FBRSL1: variants seen among roughly 807,000 people sequenced by gnomAD.
FBRSL1 encodes the protein fibrosin-1-like protein.
In FBRSL1, 51 loss-of-function variants were observed where a neutral mutation model predicts 89.6. The observed-to-expected ratio is 0.57, with a 90% CI of 0.45 to 0.72. The LOEUF (loss-of-function observed/expected upper bound fraction) is 0.72. Ranked by LOEUF, FBRSL1 falls within the 30% of genes least tolerant of loss-of-function variation. FBRSL1 has a pLI of 0.00. For synonymous variants in FBRSL1, 779 were observed against 681.1 expected (o/e 1.14, Z -2.24); for missense variants, 1,618 against 1,451.8 (o/e 1.11, Z -1.86).
intron 9 of FBRSL1, chr12:132,571,881 G>A (rs1302869598): frequency 1.2e-5 from 4 of 329,722 alleles, no homozygotes; most frequent in Non-Finnish European, 2.2e-5. Context: ...CCGCCCCGGA[G>A]GCCCGGTCTG....
intron 4 of FBRSL1, among the ~76,000 whole-genome samples, chr12:132,536,985 G>A (rs1159794668): frequency 1.3e-5 from 2 of 152,314 alleles, no homozygotes; most frequent in Middle Eastern, 6.8e-3. Context: ...CAGGGGCTCT[G>A]CAGGCACTCG....
rs765641446 is a variant in FBRSL1, at chr12:132,582,200, C to G, written c.2135C>G (p.Ala712Gly). 1.3e-6 allele frequency: 2 copies of G among 1,550,168 alleles called. No homozygotes were observed. The highest frequency in any genetic ancestry group is 2.4e-5 in the East Asian group (1 of 40,906). ...APPPWPKSVD[A>G]ERVSALTNHD... ...CCCCCGTGGCCCAAGTCCGTGGACG[C>G]GGAGCGGGTGTCAGCCCTGACCAAC... The change falls in exon 18 of 19, where the codon GCG becomes GGG. Residue 712 changes from alanine to glycine, a missense_variant. Physicochemically the swap from Ala to Gly is moderately conservative, Grantham distance 60 (BLOSUM62 0). Transcript: ENST00000680143.
intron 5 of FBRSL1, among the ~76,000 whole-genome samples, chr12:132,555,360 G>A (rs906282277): frequency 4.1e-5 from 6 of 146,732 alleles, no homozygotes; most frequent in African/African-American, 1.5e-4. Flanking sequence ...TGGCCTCCAC[G>A]GTAGCCGCCC....
At chr12:132,536,267 ACAT>A (rs1447271965) in intron 4 of FBRSL1, among the ~76,000 whole-genome samples, 4 of 150,264 alleles carry the variant, frequency 2.7e-5, no homozygotes, top group Non-Finnish European at 4.4e-5. Context: ...TGCCATGTGT[ACAT>A]GATGGTGTGT....
chr12:132,534,844 G>C (rs2036579947), intron 4 of FBRSL1, among the ~76,000 whole-genome samples: 1 of 152,230 alleles, frequency 6.6e-6, no homozygotes, highest in South Asian at 2.1e-4. Context: ...CCCCAGCCCA[G>C]CCCAGGTTCT....
At position 132,576,870 on chromosome 12, in the gene FBRSL1, G is replaced by A. The variant is rs116764290; in HGVS notation, c.1773G>A (p.Pro591=). 2.4e-3 allele frequency: 3,799 copies of A among 1,550,894 alleles called. 79 individuals are homozygous for A. In the African/African-American group the frequency reaches 0.043, roughly 18 times the overall value. Residue 591 remains proline, a synonymous_variant, in exon 15 of 19, where the codon CCG becomes CCA. Transcript: ENST00000680143. The part of the protein sequence containing the change: ...KLDLFGRPPA[P]GVFAGFHYPQ... ...ACCTGTTCGGCAGACCCCCTGCCCC[G>A]GGCGTGTTTGCAGGCTTCCACTACC...
intron 2 of FBRSL1, among the ~76,000 whole-genome samples, chr12:132,516,327 G>A (rs894463934): frequency 9.2e-5 from 14 of 152,066 alleles, no homozygotes; most frequent in African/African-American, 2.4e-4. Flanking sequence ...TGGGATCACA[G>A]GCAAGTGCCA....
chr12:132,524,207 G>C (rs1460082366), intron 2 of FBRSL1, among the ~76,000 whole-genome samples: 8 of 152,210 alleles, frequency 5.3e-5, no homozygotes, highest in Non-Finnish European at 1.2e-4. Flanking sequence ...GCCAGGGCCT[G>C]TGAGGGCTAC....
intron 9 of FBRSL1, chr12:132,571,928 C>T (rs966882755): frequency 8.0e-6 from 3 of 375,372 alleles, no homozygotes; most frequent in Admixed American, 4.4e-5. Flanking sequence ...CCCCTCCACT[C>T]TCTCGAGTTT....
chr12:132,530,465 C>A (rs1475552773), intron 4 of FBRSL1, among the ~76,000 whole-genome samples: 1 of 151,840 alleles, frequency 6.6e-6, no homozygotes, highest in Non-Finnish European at 1.5e-5. Flanking sequence ...GTGGGCTCTG[C>A]CCCCTGTTGC....
chr12:132,497,306 C>T (rs2032201407), intron 1 of FBRSL1, among the ~76,000 whole-genome samples: 1 of 152,130 alleles, frequency 6.6e-6, no homozygotes, highest in African/African-American at 2.4e-5. Flanking sequence ...GACCACCTCG[C>T]TAGGAGTGGA....
chr12:132,534,943 G>C (rs555974802), intron 4 of FBRSL1, among the ~76,000 whole-genome samples: 11 of 152,344 alleles, frequency 7.2e-5, no homozygotes, highest in Middle Eastern at 3.4e-3. Context: ...CCCAGGTATG[G>C]GGGCCACAGC....
intron 2 of FBRSL1, among the ~76,000 whole-genome samples, chr12:132,518,249 C>T (rs79307280): frequency 0.016 from 2,364 of 149,988 alleles, 22 homozygotes; most frequent in Non-Finnish European, 0.026. Flanking sequence ...CCATCATCCA[C>T]CTGTCTGTCC....
chr12:132,535,218 AC>A (rs2036607538), intron 4 of FBRSL1, among the ~76,000 whole-genome samples: 1 of 152,262 alleles, frequency 6.6e-6, no homozygotes, highest in Non-Finnish European at 1.5e-5. Context: ...GCCTGACAAC[AC>A]GAGAATATAT....
At chr12:132,581,999 C>T in intron 17 of FBRSL1, 63 bp from the exon 18 acceptor site, 1 of 1,420,422 alleles carries the variant, frequency 7.0e-7, no homozygotes, top group Non-Finnish European at 9.6e-7. Context: ...CTACCGGGTT[C>T]TCCTGGGGAG....
intron 5 of FBRSL1, among the ~76,000 whole-genome samples, chr12:132,555,559 C>A (rs549517856): frequency 5.3e-4 from 81 of 152,316 alleles, no homozygotes; most frequent in African/African-American, 1.9e-3. Flanking sequence ...GCCGCCTCAC[C>A]CGAGCGTGAG....
chr12:132,548,499 C>A (rs1339403337), intron 5 of FBRSL1, among the ~76,000 whole-genome samples: 1 of 152,214 alleles, frequency 6.6e-6, no homozygotes, highest in Non-Finnish European at 1.5e-5. Flanking sequence ...CACAGTCACC[C>A]TCAGTGCTCA....
rs533482546 is a variant in FBRSL1 at position 132,530,996 on chromosome 12, G to T, written c.615+3008G>T. On this transcript the variant is annotated intron_variant, in intron 4 of 18. Transcript: ENST00000680143. ...CTGCGGGCCCCTTGTGTCCAGTGTGGGGGGGGGGGTGCAGGTGAGAGCCCG... is the reference window on the plus strand; with the variant it reads ...CTGCGGGCCCCTTGTGTCCAGTGTGTGGGGGGGGGTGCAGGTGAGAGCCCG... Among the ~76,000 whole-genome samples, 57 of 102,200 alleles carry T rather than the reference G, an allele frequency of 5.6e-4. 1 individual carries two copies. The South Asian group carries it at 0.014, about 26-fold the overall frequency. 67.0% of individuals were successfully genotyped at this position (102,200 alleles called of 152,430 possible).
At chr12:132,582,349 CCCCCGTTCCCTCTTCT>C (rs1305254114) in intron 18 of FBRSL1, 83 bp downstream of exon 18, 5 of 1,211,640 alleles carry the variant, frequency 4.1e-6, no homozygotes, top group African/African-American at 1.5e-5. Context: ...GGTTCCCCCT[CCCCCGTTCCCTCTTCT>C]CCCCGTTTCC....
Sources: allele counts gnomAD v4.1 joint callset (sites outside exome capture counted in the v4.1 genomes callset), GRCh38; gene constraint gnomAD v4.1.1; transcripts MANE v1.5; gene names NCBI Gene and HGNC (gene_info 2026-07-23, HGNC 2026-07-21).